Variants in PREX2 observed in about 807,000 individuals in gnomAD.
PREX2 encodes the protein phosphatidylinositol-3,4,5-trisphosphate dependent Rac exchange factor 2.
PREX2 carries 107 observed loss-of-function variants against 203.2 expected under a neutral mutation model. That is an observed-to-expected ratio of 0.53 (90% confidence interval 0.45 to 0.62). PREX2 has a LOEUF of 0.62. Ranked by LOEUF, PREX2 falls within the 20% of genes least tolerant of loss-of-function variation. The pLI is 0.00. For missense variants in PREX2, 1,777 were observed against 1,955.9 expected (o/e 0.91, Z 1.72); for synonymous variants, 672 against 663.6 (o/e 1.01, Z -0.19).
chr8:68,203,829 A>C (rs188257549), intron 37 of PREX2, among the ~76,000 whole-genome samples: 151 of 152,294 alleles, frequency 9.9e-4, no homozygotes, highest in African/African-American at 3.4e-3. Flanking sequence ...AAACAGGCCA[A>C]AGAGAAAACA....
At chr8:68,213,062 A>G (rs1340000202) in intron 37 of PREX2, among the ~76,000 whole-genome samples, 1 of 152,204 alleles carries the variant, frequency 6.6e-6, no homozygotes, top group Non-Finnish European at 1.5e-5. Context: ...GACTGTGTAC[A>G]ATGGGCAGTA....
intron 30 of PREX2, among the ~76,000 whole-genome samples, chr8:68,125,827 T>G (rs1810874658): frequency 6.6e-6 from 1 of 152,044 alleles, no homozygotes; most frequent in Non-Finnish European, 1.5e-5. Context: ...TTCTAAAGAG[T>G]GTCTCTTCAG....
At chr8:68,189,263 G>A (rs540336085) in intron 35 of PREX2, among the ~76,000 whole-genome samples, 5 of 152,224 alleles carry the variant, frequency 3.3e-5, no homozygotes, top group African/African-American at 1.2e-4. Flanking sequence ...TATTTAAAAC[G>A]TCCAGTCTTC....
intron 33 of PREX2, 34 bp from the exon 34 acceptor site, chr8:68,146,175 T>G: frequency 4.0e-6 from 6 of 1,493,258 alleles, no homozygotes; most frequent in Non-Finnish European, 5.5e-6. Context: ...TATCCTTATT[T>G]TAGGAAGTAA....
At chr8:68,131,842 C>CACTCA (rs1811017279) in intron 31 of PREX2, among the ~76,000 whole-genome samples, 1 of 152,060 alleles carries the variant, frequency 6.6e-6, no homozygotes, top group Non-Finnish European at 1.5e-5. Flanking sequence ...ACTCAATATC[C>CACTCA]ATAATTTCTT....
chr8:68,030,709 G>T, intron 6 of PREX2, 51 bp downstream of exon 6: 1 of 1,570,364 alleles, frequency 6.4e-7, no homozygotes, highest in Non-Finnish European at 8.8e-7. Context: ...TATGTTGCAG[G>T]CCTCGTGCAG....
intron 8 of PREX2, among the ~76,000 whole-genome samples, chr8:68,050,408 G>A (rs1808492934): frequency 6.6e-6 from 1 of 151,896 alleles, no homozygotes; most frequent in Admixed American, 6.6e-5. Flanking sequence ...TTCCTGGCCG[G>A]AGCATGAGAG....
rs540928377 is a variant in PREX2, at chr8:68,207,650, C to A, written c.4605-9966C>A. On this transcript the variant is annotated intron_variant, in intron 37 of 39. Transcript: ENST00000288368. ...GCTATACTTCATACTAAGTATTAGGCATGAATTATTTCATACAATCCTGAA... is the reference window on the plus strand; with the variant it reads ...GCTATACTTCATACTAAGTATTAGGAATGAATTATTTCATACAATCCTGAA... 6.6e-4 allele frequency among the ~76,000 whole-genome samples: 100 copies of A among 152,090 alleles called. 2 individuals carry two copies. In the South Asian group the frequency reaches 0.021, roughly 31 times the overall value.
At chr8:68,093,448 T>C (rs1028908477) in intron 20 of PREX2, among the ~76,000 whole-genome samples, 157 bp from the exon 21 acceptor site, 2 of 151,710 alleles carry the variant, frequency 1.3e-5, no homozygotes, top group Non-Finnish European at 2.9e-5. Flanking sequence ...ATAATTGTCC[T>C]TGAGTTTTTA....
rs536828477 is a variant in PREX2, at chr8:67,974,245, G to C, written c.141+21710G>C. Among the ~76,000 whole-genome samples the C allele has an allele frequency of 2.6e-5, 4 of 152,104 alleles. No homozygotes were observed. The East Asian group carries it at 7.7e-4, about 29-fold the overall frequency. On this transcript the variant is annotated intron_variant, in intron 1 of 39. Transcript: ENST00000288368. ...AAGCTTTTCTTTCAGTGGTGCCTTG[G>C]TGTACTACTTTGGACTTAGACTAAC... is the stretch of plus-strand genomic sequence containing the variant.
intron 35 of PREX2, among the ~76,000 whole-genome samples, chr8:68,164,755 T>C (rs1811726712): frequency 6.6e-6 from 1 of 151,982 alleles, no homozygotes; most frequent in Middle Eastern, 3.2e-3. Flanking sequence ...GCTAATTTTG[T>C]ATTTTTAGTA....
chr8:68,161,637 T>A (rs1811655747), intron 35 of PREX2, among the ~76,000 whole-genome samples: 1 of 152,074 alleles, frequency 6.6e-6, no homozygotes, highest in Non-Finnish European at 1.5e-5. Flanking sequence ...CATTTTACCA[T>A]AGGACAAAAA....
intron 1 of PREX2, among the ~76,000 whole-genome samples, chr8:67,993,957 C>T (rs922555728): frequency 1.3e-4 from 20 of 152,048 alleles, no homozygotes; most frequent in African/African-American, 4.8e-4. Context: ...AAGTTCTCAT[C>T]ATTAATAACA....
At chr8:68,011,418 A>G (rs1267634488) in intron 1 of PREX2, among the ~76,000 whole-genome samples, 1 of 130,990 alleles carries the variant, frequency 7.6e-6, no homozygotes, top group African/African-American at 3.8e-5. Context: ...AATGAGTAAA[A>G]TGGGCTTTGT....
At chr8:67,998,521 A>G (rs1219241427) in intron 1 of PREX2, among the ~76,000 whole-genome samples, 1 of 152,168 alleles carries the variant, frequency 6.6e-6, no homozygotes, top group Non-Finnish European at 1.5e-5. Context: ...TGTAATCCCA[A>G]TACTTTGGGA....
intron 1 of PREX2, among the ~76,000 whole-genome samples, chr8:67,968,654 A>G (rs1041072673): frequency 6.6e-6 from 1 of 152,170 alleles, no homozygotes; most frequent in Non-Finnish European, 1.5e-5. Context: ...GGAAGTGCAA[A>G]CACAATTACC....
intron 19 of PREX2, among the ~76,000 whole-genome samples, chr8:68,089,036 T>C (rs1344483811): frequency 1.3e-5 from 2 of 152,166 alleles, no homozygotes; most frequent in Non-Finnish European, 2.9e-5. Flanking sequence ...AGATATTTGG[T>C]TATTTTTTGG....
At chr8:67,969,087 T>TC (rs1259289857) in intron 1 of PREX2, among the ~76,000 whole-genome samples, 2 of 152,116 alleles carry the variant, frequency 1.3e-5, no homozygotes, top group Non-Finnish European at 2.9e-5. Flanking sequence ...GTGGCTGGGG[T>TC]CACCATGCCA....
chr8:67,984,158 A>G (rs1310647832), intron 1 of PREX2, among the ~76,000 whole-genome samples: 1 of 152,216 alleles, frequency 6.6e-6, no homozygotes, highest in Non-Finnish European at 1.5e-5. Context: ...TTCCACCTTC[A>G]GAAAGAACTG....
Sources: gnomAD v4.1 joint callset for allele counts (sites outside exome capture counted in the v4.1 genomes callset) on GRCh38, gnomAD v4.1.1 for gene constraint, MANE v1.5 for transcripts, NCBI Gene and HGNC (gene_info 2026-07-23, HGNC 2026-07-21) for gene names.